The following HDAC7 variants were observed in gnomAD, a reference collection of about 807,000 sequenced individuals.
HDAC7 encodes the protein histone deacetylase 7.
A neutral mutation model predicts 115.5 loss-of-function variants in HDAC7; 26 were observed. The ratio of observed to expected loss-of-function variants is 0.23; its 90% confidence interval spans 0.16 to 0.31. The LOEUF is 0.31. Among genes scored for constraint, HDAC7 ranks in the 10% least tolerant of loss-of-function variants. The probability of loss-of-function intolerance (pLI) is 1.00; values close to 1 mark genes in which losing one functional copy is unlikely to be tolerated. For synonymous variants in HDAC7, 564 were observed against 550.9 expected (o/e 1.02, Z -0.33); for missense variants, 1,068 against 1,329.0 (o/e 0.80, Z 3.05).
At chr12:47,804,790 G>T (rs1053824452) in intron 1 of HDAC7, among the ~76,000 whole-genome samples, 3 of 152,036 alleles carry the variant, frequency 2.0e-5, no homozygotes, top group Non-Finnish European at 4.4e-5. Flanking sequence ...GTGCACCCCA[G>T]CCCTCAGCAA....
At chr12:47,800,505 C>T (rs1944110541) in intron 2 of HDAC7, among the ~76,000 whole-genome samples, 1 of 152,218 alleles carries the variant, frequency 6.6e-6, no homozygotes, top group Non-Finnish European at 1.5e-5. Flanking sequence ...GATGGCTGTG[C>T]ACCCAGATGC....
chr12:47,802,501 C>G, intron 1 of HDAC7: 1 of 1,550,456 alleles, frequency 6.4e-7, no homozygotes, highest in Non-Finnish European at 8.7e-7. Flanking sequence ...CCTCAAGTCA[C>G]TCATTCTAAA....
In HDAC7 at chr12:47,796,195, G is replaced by C; in HGVS notation, c.795+12C>G. On this transcript the variant is annotated intron_variant, in intron 8 of 25. Transcript: ENST00000080059. The stretch of plus-strand genomic sequence containing the variant: ...ACTGCCCCAGGAGAGCCCAGTCTCG[G>C]CAAGGCCTTACCTCCGAGCCCAGGA... The C allele has an allele frequency of 6.2e-7, 1 of 1,600,902 alleles. No individual in the cohort carries two copies. Among genetic ancestry groups the C allele is most frequent in the Non-Finnish European group, 8.5e-7 (1 of 1,174,772 alleles).
rs377051942 is a variant in HDAC7 at position 47,800,813 on chromosome 12, A to G, written c.70+1411T>C. 1.9e-3 allele frequency among the ~76,000 whole-genome samples: 294 copies of G among 152,328 alleles called. 2 individuals carry two copies. The highest frequency in any genetic ancestry group is 6.9e-3 in the African/African-American group (286 of 41,574). ...AGGGGCCCTTCCCCTCACACTCTGC[A>G]TGGCCACTGCCTCCACAGCAGAAGG... is the stretch of plus-strand genomic sequence containing the variant. On this transcript the variant is annotated intron_variant, in intron 2 of 25. Transcript: ENST00000080059.
chr12:47,813,147 TATTTTTAACCCTCCA>T (rs1256180790), intron 1 of HDAC7: 1 of 151,730 alleles, frequency 6.6e-6, no homozygotes, highest in African/African-American at 2.4e-5. Context: ...AGGCTGCTGC[TATTTTTAACCCTCCA>T]GCTCCCCCTT....
intron 1 of HDAC7, among the ~76,000 whole-genome samples, chr12:47,814,444 A>G (rs1944792569): frequency 6.6e-6 from 1 of 152,220 alleles, no homozygotes; most frequent in Non-Finnish European, 1.5e-5. Flanking sequence ...GAGATGGCGG[A>G]GAAGGGAAGG....
intron 2 of HDAC7, among the ~76,000 whole-genome samples, chr12:47,801,295 C>T (rs1944154106): frequency 6.6e-6 from 1 of 152,168 alleles, no homozygotes; most frequent in Non-Finnish European, 1.5e-5. Flanking sequence ...TGGAATAGTA[C>T]CTAGCACATG....
At chr12:47,818,216 A>C (rs1944904457) in intron 1 of HDAC7, among the ~76,000 whole-genome samples, 1 of 152,034 alleles carries the variant, frequency 6.6e-6, no homozygotes, top group Admixed American at 6.5e-5. Context: ...GCCTCTGGAG[A>C]ACACTGCACC....
chr12:47,798,396 C>T lies in HDAC7; in HGVS notation c.349+166G>A, dbSNP rs1439115524. 6.6e-6 allele frequency among the ~76,000 whole-genome samples: 1 copy of T among 152,002 alleles called. No individual in the cohort carries two copies. The highest frequency in any genetic ancestry group is 2.4e-5 in the African/African-American group (1 of 41,360). On this transcript the variant is annotated intron_variant, in intron 4 of 25. Transcript: ENST00000080059. This position sits in a 1 kb window ranked among gnomAD's most constrained non-coding sequence, Gnocchi z 4.3. ...GCCTCCAGACACCACCCCCCACCCC[C>T]ACATCCCCCACACATTCACAGGCAG...
chr12:47,800,780 C>A (rs978378321), intron 2 of HDAC7, among the ~76,000 whole-genome samples: 2 of 152,218 alleles, frequency 1.3e-5, no homozygotes, highest in African/African-American at 4.8e-5. Context: ...TGTGAGCAGA[C>A]CCCCAGCAGG....
chr12:47,819,725 C>T, intron 1 of HDAC7, 42 bp downstream of exon 1: 2 of 675,250 alleles, frequency 3.0e-6, no homozygotes, highest in Non-Finnish European at 3.7e-6. Flanking sequence ...ACGCTGGGTG[C>T]CGCGCGCAGG....
chr12:47,795,992 G>A lies in HDAC7; in HGVS notation c.820C>T (p.Leu274=). The part of the protein sequence containing the change: ...SEALLGQRLR[L]QETSVAPFAL... ...AACGGGGCCACAGAAGTCTCCTGCA[G>A]CCGCAGCCGCTGGCCCAAGAGCGCC... The change falls in exon 9 of 26, where the codon CTG becomes TTG. Residue 274 remains leucine, a synonymous_variant. Transcript: ENST00000080059. The surrounding 1 kb of genome is among the most constrained non-coding windows in gnomAD (Gnocchi z 4.3). 1 of 1,549,480 alleles carries A rather than the reference G, an allele frequency of 6.5e-7. No homozygotes were observed. The highest frequency in any genetic ancestry group is 8.7e-7 in the Non-Finnish European group (1 of 1,146,932).
chr12:47,810,298 G>C (rs1296766818), intron 1 of HDAC7, among the ~76,000 whole-genome samples: 1 of 152,218 alleles, frequency 6.6e-6, no homozygotes, highest in Non-Finnish European at 1.5e-5. Flanking sequence ...GGCTAAGAGA[G>C]GTTCAGAAAC....
In HDAC7 at chr12:47,797,591, T is replaced by G; in HGVS notation, c.462-92A>C. The stretch of plus-strand genomic sequence containing the variant: ...GGGCCCTGGGACCTGAGGGGGAGGC[T>G]GCAGCGGGCAGGGCTGGGCAATGTG... On this transcript the variant is annotated intron_variant, in intron 5 of 25. Transcript: ENST00000080059. The surrounding 1 kb of genome is among the most constrained non-coding windows in gnomAD (Gnocchi z 5.5). 2.1e-6 allele frequency: 2 copies of G among 945,298 alleles called. No homozygotes were observed. Among genetic ancestry groups the G allele is most frequent in the Non-Finnish European group, 3.2e-6 (2 of 624,492 alleles). 58.6% of individuals were successfully genotyped at this position (945,298 alleles called of 1,614,324 possible).
intron 1 of HDAC7, among the ~76,000 whole-genome samples, chr12:47,810,368 A>G (rs534769223): frequency 1.1e-4 from 17 of 152,326 alleles, no homozygotes; most frequent in African/African-American, 4.1e-4. Flanking sequence ...TAAGCTTAGC[A>G]TCGGTACACT....
At chr12:47,799,392 T>C (rs1944054259) in intron 2 of HDAC7, among the ~76,000 whole-genome samples, 1 of 152,164 alleles carries the variant, frequency 6.6e-6, no homozygotes, top group African/African-American at 2.4e-5. Context: ...CCAGCTGCCC[T>C]CTAATGAGTT....
In HDAC7 at chr12:47,788,075, G is replaced by T; in HGVS notation, c.2325C>A (p.Asn775Lys). ...CCACAGCCCCACTCCCCGGGAAGAA[G>T]TTGCCGTCGTCATGGCGATGCAGGG... ...YISLHRHDDG[N>K]FFPGSGAVDE... Residue 775 changes from asparagine to lysine, a missense_variant, in exon 20 of 26, where the codon AAC (asparagine) becomes AAA (lysine). Asn to Lys is a moderately conservative substitution (Grantham distance 94). Coordinates refer to ENST00000080059, the MANE Select transcript of HDAC7 (RefSeq NM_015401.5). The T allele has an allele frequency of 6.2e-7, 1 of 1,613,402 alleles. No homozygotes were observed. Among genetic ancestry groups the T allele is most frequent in the Non-Finnish European group, 8.5e-7 (1 of 1,179,590 alleles).
At chr12:47,789,159 G>C (rs1306300960) in intron 19 of HDAC7, 102 bp downstream of exon 19, 8 of 887,126 alleles carry the variant, frequency 9.0e-6, no homozygotes, top group Non-Finnish European at 1.5e-5. Flanking sequence ...GGCTCAGAGA[G>C]GCTACTGCAG....
At chr12:47,792,936 A>C in intron 13 of HDAC7, 1 of 289,444 alleles carries the variant, frequency 3.5e-6, no homozygotes, top group Non-Finnish European at 6.8e-6. Context: ...GGACTGAAAT[A>C]CAGCAGAATT....
Sources: allele counts gnomAD v4.1 joint callset (sites outside exome capture counted in the v4.1 genomes callset), GRCh38; gene constraint gnomAD v4.1.1; non-coding constraint Gnocchi (gnomAD v3.1); transcripts MANE v1.5; gene names NCBI Gene and HGNC (gene_info 2026-07-23, HGNC 2026-07-21).